The following TLE4 variants were observed in gnomAD, a reference collection of about 807,000 sequenced individuals.
The protein encoded by TLE4 is transducin-like enhancer protein 4.
Under a neutral mutation model 92.8 loss-of-function variants are expected in TLE4, and 8 were observed. The ratio of observed to expected loss-of-function variants is 0.09; its 90% CI spans 0.05 to 0.16. The LOEUF is 0.16. TLE4 is among the 10% of genes least tolerant of loss of function. The pLI, the probability that TLE4 is intolerant of heterozygous loss-of-function variation, is 1.00. For synonymous variants in TLE4, 371 were observed against 374.1 expected, an observed-to-expected ratio of 0.99 and a Z score of 0.10; for missense variants, 675 against 997.6, an observed-to-expected ratio of 0.68 and a Z score of 4.36.
intron 5 of TLE4, among the ~76,000 whole-genome samples, chr9:79,626,527 A>G (rs1209269983): frequency 6.6e-6 from 1 of 152,234 alleles, no homozygotes; most frequent in South Asian, 2.1e-4. Flanking sequence ...TTAATGGGAA[A>G]TAATATTTAG....
intron 8 of TLE4, among the ~76,000 whole-genome samples, chr9:79,673,719 A>G (rs1056059813): frequency 6.6e-6 from 1 of 152,222 alleles, no homozygotes; most frequent in African/African-American, 2.4e-5. Context: ...CCTAAAAACT[A>G]TTGAAGTAGT....
intron 14 of TLE4, chr9:79,718,199 T>A: frequency 2.5e-6 from 1 of 397,716 alleles, no homozygotes. Context: ...TTGGCACATC[T>A]GTCATTTCAA....
intron 4 of TLE4, chr9:79,580,412 G>A (rs892203785): frequency 2.0e-5 from 3 of 152,158 alleles, no homozygotes; most frequent in African/African-American, 4.8e-5. Flanking sequence ...AAGCAGCTAG[G>A]ATTTGGAGAG....
At chr9:79,657,001 T>G (rs749986428) in intron 8 of TLE4, among the ~76,000 whole-genome samples, 2 of 152,330 alleles carry the variant, frequency 1.3e-5, no homozygotes, top group African/African-American at 2.4e-5. Context: ...CTAAGCCTGT[T>G]ATTTGCAGAC....
In TLE4 at chr9:79,726,848, G is replaced by A. The variant is rs1023069268; in HGVS notation, c.*1704G>A. The A allele has an allele frequency of 5.2e-5, 8 of 152,432 alleles. No individual in the cohort carries two copies. The highest frequency in any genetic ancestry group is 1.4e-4 in the African/African-American group (6 of 41,436). The allele number at this position is 152,432 out of a possible 1,614,324, so 9.4% of individuals were successfully genotyped here. ...ATGCCTAGTTTTTTCAAGGGAGATT[G>A]TTGTTAAAGTAAAGTGGTTTTTTTT... On this transcript the variant is annotated 3_prime_UTR_variant, in exon 20 of 20. Transcript: ENST00000376552.
At chr9:79,638,893 T>C (rs903002935) in intron 6 of TLE4, among the ~76,000 whole-genome samples, 1 of 152,080 alleles carries the variant, frequency 6.6e-6, no homozygotes, top group East Asian at 1.9e-4. Context: ...GCTTTGTTGT[T>C]TGTTGGTTCT....
At chr9:79,579,077 C>T (rs2131965668) in intron 4 of TLE4, among the ~76,000 whole-genome samples, 1 of 152,224 alleles carries the variant, frequency 6.6e-6, no homozygotes. Context: ...AGTGTGACGT[C>T]TTCAAAATGG....
At chr9:79,624,516 A>G (rs2051959445) in intron 5 of TLE4, among the ~76,000 whole-genome samples, 1 of 152,220 alleles carries the variant, frequency 6.6e-6, no homozygotes, top group Non-Finnish European at 1.5e-5. Flanking sequence ...AACTGCAGGT[A>G]AAGTTCAGAT....
In TLE4 at chr9:79,718,722, A is replaced by G. The variant is rs779546409; in HGVS notation, c.1341A>G (p.Pro447=). ...PNLTGIPGGK[P]AYSFHVSADG... ...TCTTTTTTCCTCTCCATTGCCTTAGAGCATACTCCTTCCATGTTAGCGCAG... is the reference window on the plus strand; with the variant it reads ...TCTTTTTTCCTCTCCATTGCCTTAGGGCATACTCCTTCCATGTTAGCGCAG... Residue 447 remains proline, a splice_region_variant and synonymous_variant, in exon 15 of 20, where the codon CCA becomes CCG. Transcript: ENST00000376552. The G allele has an allele frequency of 2.5e-6, 4 of 1,612,242 alleles. No individual in the cohort carries two copies. The highest frequency in any genetic ancestry group is 3.4e-6 in the Non-Finnish European group (4 of 1,178,552).
rs186695145 is a variant in TLE4, at chr9:79,716,093, A to G, written c.1341-2629A>G. ...AAGATCATTTGAAGACGTTAACTGA[A>G]TCATGTCACTTTTTTTGCACAAGTC... On this transcript the variant is annotated intron_variant, in intron 14 of 19. Coordinates refer to ENST00000376552, the MANE Select transcript of TLE4 (RefSeq NM_007005.6). Among the ~76,000 whole-genome samples the G allele has an allele frequency of 3.3e-5, 5 of 152,280 alleles. No individual in the cohort carries two copies. In the East Asian group the frequency reaches 7.7e-4, roughly 23 times the overall value.
At chr9:79,675,219 G>A (rs1027671757) in intron 8 of TLE4, among the ~76,000 whole-genome samples, 1 of 152,148 alleles carries the variant, frequency 6.6e-6, no homozygotes, top group African/African-American at 2.4e-5. Context: ...TTTACAGCAT[G>A]GATTAAGTAG....
At chr9:79,634,369 T>TA (rs2055147786) in intron 6 of TLE4, among the ~76,000 whole-genome samples, 5 of 152,258 alleles carry the variant, frequency 3.3e-5, no homozygotes, top group South Asian at 2.1e-4. Flanking sequence ...AAATAGTTAA[T>TA]AAAAAACATA....
rs760703617 is a variant in TLE4 at position 79,707,120 on chromosome 9, T to C, written c.936+221T>C. 9.9e-6 allele frequency: 16 copies of C among 1,612,704 alleles called. No individual in the cohort carries two copies. The South Asian group carries it at 1.5e-4, about 15-fold the overall frequency. ...TATTTTATGATTCTTTTTGCAAGGA[T>C]AGAAGAGGGATATGGGGAAATTGAG... On this transcript the variant is annotated intron_variant, in intron 11 of 19. Transcript: ENST00000376552.
chr9:79,661,831 G>A (rs1051570200), intron 8 of TLE4, among the ~76,000 whole-genome samples: 2 of 152,164 alleles, frequency 1.3e-5, no homozygotes, highest in African/African-American at 2.4e-5. Flanking sequence ...CTTAAAAACA[G>A]TGTAAGCTGA....
intron 5 of TLE4, 31 bp downstream of exon 5, chr9:79,612,749 G>C (rs768641099): frequency 6.2e-7 from 1 of 1,602,280 alleles, no homozygotes; most frequent in Non-Finnish European, 8.5e-7. Flanking sequence ...CACTGGACTA[G>C]AAGTTGCCAT....
intron 5 of TLE4, among the ~76,000 whole-genome samples, chr9:79,617,479 G>A (rs769482122): frequency 2.0e-5 from 3 of 152,142 alleles, no homozygotes; most frequent in East Asian, 3.9e-4. Context: ...GTCAGTAGGT[G>A]AAAAGTTTAT....
At chr9:79,637,736 G>C (rs2056253764) in intron 6 of TLE4, among the ~76,000 whole-genome samples, 1 of 152,146 alleles carries the variant, frequency 6.6e-6, no homozygotes, top group Non-Finnish European at 1.5e-5. Context: ...AAACACAGCT[G>C]TTAAGGCAGG....
At chr9:79,655,668 AGTATATTAAGTGTTTTTCACACAT>A (rs1187878730) in intron 8 of TLE4, among the ~76,000 whole-genome samples, 1 of 152,234 alleles carries the variant, frequency 6.6e-6, no homozygotes, top group Non-Finnish European at 1.5e-5. Context: ...GCATTCTTAA[AGTATATTAAGTGTTTTTCACACAT>A]GTGTACTTAG....
At chr9:79,682,716 C>T (rs1295453214) in intron 8 of TLE4, among the ~76,000 whole-genome samples, 2 of 152,174 alleles carry the variant, frequency 1.3e-5, no homozygotes, top group Admixed American at 6.5e-5. Context: ...TAGGACCTTT[C>T]CCCGGCATTT....
Sources: allele counts gnomAD v4.1 joint callset (sites outside exome capture counted in the v4.1 genomes callset), GRCh38; gene constraint gnomAD v4.1.1; transcripts MANE v1.5; gene names NCBI Gene and HGNC (gene_info 2026-07-23, HGNC 2026-07-21).